Variants in RAI1 observed in about 807,000 individuals in gnomAD.
RAI1 encodes retinoic acid-induced protein 1.
Under a neutral mutation model 123.8 loss-of-function variants are expected in RAI1, and 9 were observed. The observed-to-expected ratio is 0.07, with a 90% CI of 0.04 to 0.13. RAI1 has a LOEUF of 0.13. Ranked by LOEUF, RAI1 falls within the 10% of genes least tolerant of loss-of-function variation. The pLI is 1.00. For missense variants in RAI1, 2,256 were observed against 2,545.8 expected (o/e 0.89, Z 2.45); for synonymous variants, 1,231 against 1,127.3 (o/e 1.09, Z -1.84).
At chr17:17,804,343 G>C (rs1245693370) in intron 4 of RAI1, among the ~76,000 whole-genome samples, 1 of 152,160 alleles carries the variant, frequency 6.6e-6, no homozygotes, top group Non-Finnish European at 1.5e-5. Flanking sequence ...CAGGGTAATG[G>C]GGTATGGAGG....
chr17:17,805,630 C>T (rs2032581000), intron 4 of RAI1, among the ~76,000 whole-genome samples: 1 of 152,208 alleles, frequency 6.6e-6, no homozygotes, highest in African/African-American at 2.4e-5. Flanking sequence ...CCCAGCCAAG[C>T]TGCCCCAGGG....
chr17:17,702,139 G>A (rs1015313460), intron 1 of RAI1, among the ~76,000 whole-genome samples: 2 of 152,184 alleles, frequency 1.3e-5, no homozygotes, highest in African/African-American at 4.8e-5. Context: ...GTTCAGCCCT[G>A]GCTAGGGCAG....
At chr17:17,704,542 A>G (rs1038636496) in intron 1 of RAI1, among the ~76,000 whole-genome samples, 7 of 152,100 alleles carry the variant, frequency 4.6e-5, no homozygotes, top group Admixed American at 2.0e-4. Context: ...GCACACACAG[A>G]CAGGAGTTCC....
intron 2 of RAI1, among the ~76,000 whole-genome samples, chr17:17,726,346 AC>A (rs1020412750): frequency 6.6e-6 from 1 of 152,130 alleles, no homozygotes; most frequent in African/African-American, 2.4e-5. Context: ...TGGGTGTCTG[AC>A]CCATAGGTTG....
At chr17:17,808,401 T>TTTA (rs1038089181) in intron 4 of RAI1, among the ~76,000 whole-genome samples, 2 of 102,358 alleles carry the variant, frequency 2.0e-5, no homozygotes, top group African/African-American at 9.4e-5. Context: ...TTTATTTTAT[T>TTTA]TTATTTTATT....
intron 2 of RAI1, among the ~76,000 whole-genome samples, chr17:17,725,396 TC>T (rs1916053385): frequency 6.6e-6 from 1 of 152,006 alleles, no homozygotes; most frequent in Non-Finnish European, 1.5e-5. Flanking sequence ...CCTCGACCCC[TC>T]CCTCAGGGCC....
At chr17:17,715,316 C>T (rs1222297639) in intron 1 of RAI1, among the ~76,000 whole-genome samples, 1 of 152,240 alleles carries the variant, frequency 6.6e-6, no homozygotes, top group Non-Finnish European at 1.5e-5. Flanking sequence ...AGCTGTGAGA[C>T]CGGGCAGTGG....
chr17:17,775,518 C>T (rs891064104), intron 2 of RAI1, among the ~76,000 whole-genome samples: 4 of 93,050 alleles, frequency 4.3e-5, no homozygotes, highest in African/African-American at 1.6e-4. Context: ...GTGTAACTTT[C>T]GACTCCCCAG....
chr17:17,750,689 C>CAAAAAAAAAAAAAAAAAAAAAAAAAA, intron 2 of RAI1, among the ~76,000 whole-genome samples: 1 of 79,778 alleles, frequency 1.3e-5, no homozygotes, highest in Non-Finnish European at 2.3e-5. Context: ...TACTCCGTCT[C>CAAAAAAAAAAAAAAAAAAAAAAAAAA]AAAAAAAAAA....
rs2143003385 is a variant in RAI1, at chr17:17,798,098, C to T, written c.5150C>T (p.Pro1717Leu). Residue 1717 changes from proline (P) to leucine (L), a missense_variant, in exon 3 of 6, where the codon CCA (proline) becomes CTA (leucine). Physicochemically the swap from Pro to Leu is moderately conservative, Grantham distance 98. Coordinates refer to ENST00000353383, the MANE Select transcript of RAI1 (RefSeq NM_030665.4). Reference protein sequence around the residue: ...YPEHCLPKKKPKLKEKVRPEG... With the variant: ...YPEHCLPKKKLKLKEKVRPEG... ...GAACACTGCCTCCCCAAAAAGAAGCCAAAACTCAAGGAGAAGGTGCGGCCA... is the reference window on the plus strand; with the variant it reads ...GAACACTGCCTCCCCAAAAAGAAGCTAAAACTCAAGGAGAAGGTGCGGCCA... 1 of 1,613,988 alleles carries T rather than the reference C, an allele frequency of 6.2e-7. No individual in the cohort carries two copies. The highest frequency in any genetic ancestry group is 8.5e-7 in the Non-Finnish European group (1 of 1,180,026).
chr17:17,772,379 C>T (rs997914999), intron 2 of RAI1, among the ~76,000 whole-genome samples: 25 of 152,158 alleles, frequency 1.6e-4, no homozygotes, highest in African/African-American at 5.8e-4. Flanking sequence ...GCCTCCTGGC[C>T]TCCCCTCTCA....
At chr17:17,783,494 A>C (rs1255512315) in intron 2 of RAI1, among the ~76,000 whole-genome samples, 2 of 152,034 alleles carry the variant, frequency 1.3e-5, no homozygotes, top group African/African-American at 4.8e-5. Context: ...CGGCAGCAGC[A>C]GGCGCTCTGC....
intron 1 of RAI1, among the ~76,000 whole-genome samples, chr17:17,687,861 C>G (rs1463061936): frequency 6.6e-6 from 1 of 151,248 alleles, no homozygotes; most frequent in African/African-American, 2.4e-5. Context: ...AAAACCCCAT[C>G]TCCACTAAAA....
chr17:17,779,119 A>C (rs1178782287), intron 2 of RAI1: 2 of 351,822 alleles, frequency 5.7e-6, no homozygotes, highest in African/African-American at 2.1e-5. Context: ...CCAGTTGTCC[A>C]TTCAGACACA....
chr17:17,740,659 C>T (rs1916592925), intron 2 of RAI1, among the ~76,000 whole-genome samples: 1 of 152,200 alleles, frequency 6.6e-6, no homozygotes, highest in South Asian at 2.1e-4. Flanking sequence ...CAGAGCAAAG[C>T]TGACTTGGCT....
chr17:17,794,130 C>T lies in RAI1; in HGVS notation c.1182C>T (p.Pro394=), dbSNP rs761942418. 6.2e-7 allele frequency: 1 copy of T among 1,614,112 alleles called. No homozygotes were observed. Among genetic ancestry groups the T allele is most frequent in the Non-Finnish European group, 8.5e-7 (1 of 1,180,054 alleles). Residue 394 remains proline (P), a synonymous_variant, in exon 3 of 6, where the codon CCC becomes CCT. Coordinates refer to ENST00000353383, the MANE Select transcript of RAI1 (RefSeq NM_030665.4). The part of the protein sequence containing the change: ...AGITDHSHFM[P]LLNPSPTDAT... ...TCACTGACCACAGCCACTTCATGCC[C>T]CTGCTCAATCCCTCCCCAACGGATG... is the stretch of plus-strand genomic sequence containing the variant.
rs777846161 is a variant in RAI1 at position 17,792,969 on chromosome 17, G to A, written c.21G>A (p.Arg7=). The change falls in exon 3 of 6, where the codon AGG becomes AGA. Residue 7 remains arginine (R), a synonymous_variant. Transcript: ENST00000353383. MQSFRE[R]CGFHGKQQNY... is the part of the protein sequence containing the mutation. ...GAGTCATGCAGTCTTTTCGAGAAAG[G>A]TGTGGTTTCCATGGCAAACAACAGA... 2.5e-6 allele frequency: 4 copies of A among 1,579,796 alleles called. No individual in the cohort carries two copies. In the South Asian group the frequency reaches 3.3e-5, roughly 13 times the overall value.
intron 2 of RAI1, among the ~76,000 whole-genome samples, chr17:17,782,715 G>A (rs2031639117): frequency 6.6e-6 from 1 of 151,800 alleles, no homozygotes; most frequent in African/African-American, 2.4e-5. Flanking sequence ...GCTGTGCCGC[G>A]GCCTGGAGGA....
At chr17:17,747,498 A>G (rs2029973808) in intron 2 of RAI1, among the ~76,000 whole-genome samples, 3 of 152,166 alleles carry the variant, frequency 2.0e-5, no homozygotes, top group East Asian at 1.9e-4. Flanking sequence ...AGGGCAACCG[A>G]CATAGGGCTG....
Sources: allele counts gnomAD v4.1 joint callset (sites outside exome capture counted in the v4.1 genomes callset), GRCh38; gene constraint gnomAD v4.1.1; transcripts MANE v1.5; gene names NCBI Gene and HGNC (gene_info 2026-07-23, HGNC 2026-07-21).